The following ENTREP2 variants were observed in gnomAD, a reference collection of about 807,000 sequenced individuals.
The protein encoded by ENTREP2 is protein ENTREP2.
the ENTREP2 span, among the ~76,000 whole-genome samples, chr15:29,170,307 C>CAAA: frequency 1.4e-3 from 83 of 57,366 alleles, 2 homozygotes; most frequent in African/African-American, 5.6e-3. Flanking sequence ...GACTCCATCT[C>CAAA]AAAAAAAAAA....
the ENTREP2 span, among the ~76,000 whole-genome samples, chr15:29,600,231 A>C: frequency 6.6e-6 from 1 of 150,994 alleles, no homozygotes; most frequent in East Asian, 1.9e-4. Flanking sequence ...ACAATTTGTC[A>C]AAAAAAAAAG....
At chr15:29,637,778 G>A in the ENTREP2 span, among the ~76,000 whole-genome samples, 2 of 152,222 alleles carry the variant, frequency 1.3e-5, no homozygotes, top group Non-Finnish European at 2.9e-5. Flanking sequence ...GGAGGAGCTA[G>A]AGAAGAGAAG....
the ENTREP2 span, among the ~76,000 whole-genome samples, chr15:29,516,746 T>G: frequency 6.6e-6 from 1 of 152,126 alleles, no homozygotes; most frequent in Non-Finnish European, 1.5e-5. Context: ...ATATTTTCTC[T>G]ATTCTTTTCT....
chr15:29,631,591 G>C, the ENTREP2 span, among the ~76,000 whole-genome samples: 4 of 152,218 alleles, frequency 2.6e-5, no homozygotes, highest in Non-Finnish European at 5.9e-5. Flanking sequence ...CTAATCTTTT[G>C]ATGTGTTGAA....
chr15:29,584,974 A>G, the ENTREP2 span, among the ~76,000 whole-genome samples: 1 of 148,024 alleles, frequency 6.8e-6, no homozygotes, highest in African/African-American at 2.5e-5. Flanking sequence ...GGAAAAATAT[A>G]AACAGTAAAC....
At chr15:29,485,462 T>C in the ENTREP2 span, among the ~76,000 whole-genome samples, 7 of 152,268 alleles carry the variant, frequency 4.6e-5, no homozygotes, top group South Asian at 1.5e-3. Context: ...CTGTTCTGTG[T>C]AACTCAGAAT....
At chr15:29,340,678 C>T in the ENTREP2 span, among the ~76,000 whole-genome samples, 1 of 152,268 alleles carries the variant, frequency 6.6e-6, no homozygotes, top group Admixed American at 6.5e-5. Context: ...GAAGCTTCTA[C>T]CATCTCTCAT....
chr15:29,396,823 C>G, the ENTREP2 span, among the ~76,000 whole-genome samples: 2 of 151,920 alleles, frequency 1.3e-5, no homozygotes, highest in Non-Finnish European at 2.9e-5. Context: ...ATTTTTTTTG[C>G]ATGTGAACAC....
chr15:29,217,451 ATTTTTTC>A, the ENTREP2 span, among the ~76,000 whole-genome samples: 1 of 152,012 alleles, frequency 6.6e-6, no homozygotes, highest in African/African-American at 2.4e-5. Context: ...CTTCGTTCAT[ATTTTTTC>A]TTTTTTCTTT....
the ENTREP2 span, among the ~76,000 whole-genome samples, chr15:29,396,996 CA>C: frequency 2.0e-5 from 3 of 151,924 alleles, no homozygotes; most frequent in Non-Finnish European, 4.4e-5. Context: ...TCCCACAAAC[CA>C]AAATACATTA....
chr15:29,581,034 C>A, the ENTREP2 span, among the ~76,000 whole-genome samples: 1 of 151,468 alleles, frequency 6.6e-6, no homozygotes, highest in African/African-American at 2.4e-5. Context: ...GGGCTAATTA[C>A]TACCTATAAT....
the ENTREP2 span, among the ~76,000 whole-genome samples, chr15:29,587,554 T>G: frequency 1.3e-5 from 2 of 152,180 alleles, no homozygotes; most frequent in African/African-American, 4.8e-5. Context: ...CAGAGGATGA[T>G]AGGAAAACAA....
the ENTREP2 span, among the ~76,000 whole-genome samples, chr15:29,559,218 C>A: frequency 6.6e-6 from 1 of 152,130 alleles, no homozygotes; most frequent in Admixed American, 6.5e-5. Flanking sequence ...GTTACAGTTT[C>A]ACATACAGAT....
the ENTREP2 span, among the ~76,000 whole-genome samples, chr15:29,652,057 C>T: frequency 6.6e-6 from 1 of 152,180 alleles, no homozygotes; most frequent in African/African-American, 2.4e-5. Context: ...TCAGCATGCA[C>T]TTCCCCACCC....
At chr15:29,363,529 CG>C in the ENTREP2 span, among the ~76,000 whole-genome samples, 3 of 151,884 alleles carry the variant, frequency 2.0e-5, no homozygotes, top group Non-Finnish European at 4.4e-5. Context: ...ATATATGCAG[CG>C]TAAGATTTTA....
the ENTREP2 span, among the ~76,000 whole-genome samples, chr15:29,494,797 T>C: frequency 3.9e-5 from 6 of 152,226 alleles, no homozygotes; most frequent in Non-Finnish European, 7.3e-5. Flanking sequence ...TAGTGTAATG[T>C]CCTCCAGGCT....
At chr15:29,563,412 G>A in the ENTREP2 span, among the ~76,000 whole-genome samples, 1 of 151,324 alleles carries the variant, frequency 6.6e-6, no homozygotes. Flanking sequence ...ATATCTATTT[G>A]CTCCCATGTT....
the ENTREP2 span, among the ~76,000 whole-genome samples, chr15:29,604,189 G>A: frequency 3.3e-5 from 5 of 152,170 alleles, no homozygotes; most frequent in East Asian, 1.9e-4. Context: ...TGAATAAAAA[G>A]ATCATCAGTC....
At chr15:29,196,183 C>T in the ENTREP2 span, among the ~76,000 whole-genome samples, 5 of 152,180 alleles carry the variant, frequency 3.3e-5, no homozygotes, top group East Asian at 1.9e-4. Context: ...CATTTGCATC[C>T]GAATTTGCAG....
Sources: gnomAD v4.1 joint callset for allele counts (sites outside exome capture counted in the v4.1 genomes callset) on GRCh38, gnomAD v4.1.1 for gene constraint, MANE v1.5 for transcripts, NCBI Gene and HGNC (gene_info 2026-07-23, HGNC 2026-07-21) for gene names.